STOX1: variants seen among roughly 807,000 people sequenced by gnomAD.
The protein encoded by STOX1 is storkhead box 1.
In STOX1, 57 loss-of-function variants were observed where a neutral mutation model predicts 74.8. The observed-to-expected ratio is 0.76, with a 90% CI of 0.62 to 0.95. The LOEUF (loss-of-function observed/expected upper bound fraction) is 0.95. STOX1 is among the 40% of genes least tolerant of loss of function. The probability of loss-of-function intolerance (pLI) is 0.00; values close to 1 mark genes in which losing one functional copy is unlikely to be tolerated. For missense variants in STOX1, 1,010 were observed against 1,117.0 expected, an observed-to-expected ratio of 0.90 and a Z score of 1.37; for synonymous variants, 375 against 401.3, an observed-to-expected ratio of 0.93 and a Z score of 0.78.
intron 1 of STOX1, among the ~76,000 whole-genome samples, chr10:68,834,785 C>T (rs572003986): frequency 2.6e-5 from 4 of 152,180 alleles, no homozygotes; most frequent in South Asian, 4.1e-4. Flanking sequence ...AGTGCAGTGG[C>T]GTGATCTCGG....
intron 1 of STOX1, among the ~76,000 whole-genome samples, chr10:68,829,515 C>G (rs181419901): frequency 6.6e-6 from 1 of 151,924 alleles, no homozygotes; most frequent in Non-Finnish European, 1.5e-5. Flanking sequence ...GAAACTCCGT[C>G]TCAAAAGGAA....
chr10:68,838,151 C>T (rs530796717), intron 1 of STOX1, among the ~76,000 whole-genome samples: 1 of 151,702 alleles, frequency 6.6e-6, no homozygotes, highest in Admixed American at 6.6e-5. Context: ...CCTGCAGCCT[C>T]GACCTCCCAG....
intron 1 of STOX1, among the ~76,000 whole-genome samples, chr10:68,865,598 G>A (rs28750788): frequency 2.2e-4 from 33 of 152,240 alleles, no homozygotes; most frequent in East Asian, 1.5e-3. Flanking sequence ...GCAGTGAGCC[G>A]AGATCCTGCC....
chr10:68,887,790 TTGCCATGTTG>T (rs958307897), intron 3 of STOX1, among the ~76,000 whole-genome samples: 2 of 151,620 alleles, frequency 1.3e-5, no homozygotes, highest in Non-Finnish European at 2.9e-5. Context: ...AGACGGGGTT[TTGCCATGTTG>T]GCCAGGCTGG....
At chr10:68,837,924 G>A (rs1281043059) in intron 1 of STOX1, among the ~76,000 whole-genome samples, 4 of 152,132 alleles carry the variant, frequency 2.6e-5, no homozygotes, top group Non-Finnish European at 5.9e-5. Context: ...ACATCTATTT[G>A]TGCCTTCTTT....
intron 1 of STOX1, among the ~76,000 whole-genome samples, chr10:68,845,401 G>A (rs906505759): frequency 4.0e-5 from 6 of 150,706 alleles, no homozygotes; most frequent in African/African-American, 1.5e-4. Context: ...AGCCTCCTGA[G>A]TAGCTGGGAC....
Position 68,884,925 on chromosome 10 carries a change from C to T in STOX1, c.1129C>T (p.His377Tyr), listed in dbSNP as rs1300449553. ...PILTVDNLIK[H>Y]TVLMQKYEEQ... ...TTTGACTGTTGACAATTTAATCAAA[C>T]ACACTGTCCTAATGCAAAAATACGA... Residue 377 changes from histidine (H) to tyrosine (Y), a missense_variant, in exon 3 of 4, where the codon CAC becomes TAC. By Grantham distance (83) the His-to-Tyr change is moderately conservative (BLOSUM62 2). Coordinates refer to ENST00000298596, the MANE Select transcript of STOX1 (RefSeq NM_152709.5). 2 of 1,613,954 alleles carry T rather than the reference C, an allele frequency of 1.2e-6. No individual in the cohort carries two copies. Among genetic ancestry groups the T allele is most frequent in the Non-Finnish European group, 1.7e-6 (2 of 1,180,024 alleles).
At chr10:68,878,917 T>A (rs374798414) in intron 1 of STOX1, among the ~76,000 whole-genome samples, 5 of 152,176 alleles carry the variant, frequency 3.3e-5, no homozygotes, top group Non-Finnish European at 1.5e-5. Context: ...TGTTAAATGG[T>A]TAGCTACTTT....
At chr10:68,836,575 C>G (rs920505662) in intron 1 of STOX1, among the ~76,000 whole-genome samples, 1 of 152,176 alleles carries the variant, frequency 6.6e-6, no homozygotes, top group East Asian at 1.9e-4. Flanking sequence ...TGTCCTGTGC[C>G]TCAGCCCAGG....
chr10:68,842,536 CTTTTTTTTTTTT>C (rs11332701), intron 1 of STOX1, among the ~76,000 whole-genome samples: 2 of 71,970 alleles, frequency 2.8e-5, no homozygotes, highest in Non-Finnish European at 5.1e-5. Context: ...TGTACCATTT[CTTTTTTTTTTTT>C]TTTTTTTTTT....
At chr10:68,871,887 A>G (rs920002086) in intron 1 of STOX1, among the ~76,000 whole-genome samples, 16 of 152,210 alleles carry the variant, frequency 1.1e-4, no homozygotes, top group African/African-American at 1.4e-4. Flanking sequence ...AAATGCTTCA[A>G]TTTTTCAAAG....
Position 68,888,096 on chromosome 10 carries a change from C to T in STOX1, c.2822+1478C>T, listed in dbSNP as rs572656371. On this transcript the variant is annotated intron_variant, in intron 3 of 3. Transcript: ENST00000298596. ...ACGCGCGCACACACGCACACACACGCGCACACACACATATATGTTTTGAGA... is the reference window on the plus strand; with the variant it reads ...ACGCGCGCACACACGCACACACACGTGCACACACACATATATGTTTTGAGA... 1.8e-4 allele frequency among the ~76,000 whole-genome samples: 28 copies of T among 152,020 alleles called. No homozygotes were observed. In the South Asian group the frequency reaches 2.7e-3, roughly 15 times the overall value.
intron 1 of STOX1, among the ~76,000 whole-genome samples, chr10:68,837,133 G>A (rs1265715311): frequency 6.6e-6 from 1 of 152,212 alleles, no homozygotes; most frequent in Non-Finnish European, 1.5e-5. Context: ...ATAGTCTAGG[G>A]AGCAGATGGA....
intron 1 of STOX1, among the ~76,000 whole-genome samples, chr10:68,872,039 G>A (rs141648115): frequency 1.8e-4 from 27 of 152,188 alleles, no homozygotes; most frequent in Non-Finnish European, 3.7e-4. Flanking sequence ...GTACCTGCAG[G>A]CTGTTTTATT....
intron 1 of STOX1, among the ~76,000 whole-genome samples, chr10:68,858,999 G>T (rs1043841941): frequency 1.3e-5 from 2 of 152,058 alleles, no homozygotes; most frequent in African/African-American, 4.8e-5. Flanking sequence ...GCTGGGCTTC[G>T]TCACCTCCAC....
At chr10:68,842,188 C>T (rs910783226) in intron 1 of STOX1, among the ~76,000 whole-genome samples, 11 of 152,170 alleles carry the variant, frequency 7.2e-5, no homozygotes, top group African/African-American at 2.4e-4. Flanking sequence ...TGTTATTCCC[C>T]AGACCTTCAA....
At chr10:68,838,206 G>C (rs920122952) in intron 1 of STOX1, among the ~76,000 whole-genome samples, 2 of 151,782 alleles carry the variant, frequency 1.3e-5, no homozygotes, top group Non-Finnish European at 2.9e-5. Context: ...AGCTGGGACT[G>C]CAGGCAGGTG....
chr10:68,833,080 G>GATTTTT (rs1839451342), intron 1 of STOX1, among the ~76,000 whole-genome samples: 1 of 104,630 alleles, frequency 9.6e-6, no homozygotes, highest in African/African-American at 4.1e-5. Context: ...ACTTCTGTGG[G>GATTTTT]TTTTTTTTTT....
rs186323859 is a variant in STOX1, at chr10:68,830,581, G to A, written c.310+2648G>A. Among the ~76,000 whole-genome samples the A allele has an allele frequency of 1.9e-3, 282 of 152,142 alleles. 1 individual carries two copies. Among genetic ancestry groups the A allele is most frequent in the Middle Eastern group, 0.01 (3 of 294 alleles). ...TGGTCTCGAACTTCTGACCTCAAGT[G>A]AACTGCCTGCCTCAGCCTCCCAAAG... is the stretch of plus-strand genomic sequence containing the variant. On this transcript the variant is annotated intron_variant, in intron 1 of 3. Transcript: ENST00000298596.
Sources: gnomAD v4.1 joint callset for allele counts (sites outside exome capture counted in the v4.1 genomes callset) on GRCh38, gnomAD v4.1.1 for gene constraint, MANE v1.5 for transcripts, NCBI Gene and HGNC (gene_info 2026-07-23, HGNC 2026-07-21) for gene names.